The following LRRC37A2 variants were observed in gnomAD, a reference collection of about 807,000 sequenced individuals.
The protein encoded by LRRC37A2 is leucine rich repeat containing 37 member A2.
In LRRC37A2, 9 loss-of-function variants were observed where a neutral mutation model predicts 68.8. The observed-to-expected ratio is 0.13, with a 90% confidence interval of 0.08 to 0.23. The LOEUF (loss-of-function observed/expected upper bound fraction) is 0.23, where lower values mean the gene tolerates loss of function less well. LRRC37A2 is among the 10% of genes least tolerant of loss of function. The pLI, the probability that LRRC37A2 is intolerant of heterozygous loss-of-function variation, is 1.00. For synonymous variants in LRRC37A2, 63 were observed against 367.6 expected (o/e 0.17, Z 9.48); for missense variants, 168 against 950.4 (o/e 0.18, Z 10.82).
chr17:47,045,501 A>T, the LRRC37A2 span, among the ~76,000 whole-genome samples: 13 of 146,368 alleles, frequency 8.9e-5, no homozygotes, highest in African/African-American at 3.2e-4. Flanking sequence ...CCAAATTCAC[A>T]TTATTAGCAG....
the LRRC37A2 span, chr17:46,923,601 G>T: frequency 1.6e-6 from 2 of 1,288,940 alleles, no homozygotes; most frequent in Non-Finnish European, 2.0e-6. Context: ...GCCCCTGGCC[G>T]TAGGAGTGTA....
At chr17:46,770,095 G>T in the LRRC37A2 span, 12 of 1,498,920 alleles carry the variant, frequency 8.0e-6, no homozygotes, top group South Asian at 1.6e-4. Flanking sequence ...CGGCCTGGGA[G>T]CGCCTGCCCT....
chr17:46,905,361 C>A, the LRRC37A2 span, among the ~76,000 whole-genome samples: 1 of 152,194 alleles, frequency 6.6e-6, no homozygotes, highest in African/African-American at 2.4e-5. Flanking sequence ...CAGATGTGAG[C>A]CACCGTATCC....
the LRRC37A2 span, among the ~76,000 whole-genome samples, chr17:46,500,588 A>C: frequency 1.3e-5 from 2 of 150,756 alleles, no homozygotes; most frequent in African/African-American, 2.5e-5. Context: ...GATTGTGAGA[A>C]ACTGCAGATC....
At chr17:46,502,553 C>A in the LRRC37A2 span, among the ~76,000 whole-genome samples, 1 of 151,124 alleles carries the variant, frequency 6.6e-6, no homozygotes, top group Non-Finnish European at 1.5e-5. Flanking sequence ...CTGCCCACCT[C>A]AGCCTCCCAA....
the LRRC37A2 span, among the ~76,000 whole-genome samples, chr17:46,888,241 T>C: frequency 6.6e-6 from 1 of 151,896 alleles, no homozygotes; most frequent in Non-Finnish European, 1.5e-5. Flanking sequence ...GAGGTGTGGG[T>C]CAGGTGGGGA....
the LRRC37A2 span, among the ~76,000 whole-genome samples, chr17:46,800,984 G>A: frequency 6.6e-6 from 1 of 152,166 alleles, no homozygotes; most frequent in Admixed American, 6.5e-5. Context: ...CGAGAACAAC[G>A]CAGACTGTAA....
chr17:46,703,547 T>G, the LRRC37A2 span, among the ~76,000 whole-genome samples: 3 of 147,870 alleles, frequency 2.0e-5, no homozygotes, highest in Non-Finnish European at 3.0e-5. Context: ...CCGGGCGTGG[T>G]GGTGGGCACC....
the LRRC37A2 span, among the ~76,000 whole-genome samples, chr17:46,895,430 C>A: frequency 2.6e-5 from 4 of 152,220 alleles, no homozygotes; most frequent in African/African-American, 9.6e-5. Flanking sequence ...TGTGCCACAG[C>A]TCTCACCCGT....
At chr17:46,846,097 T>A in the LRRC37A2 span, among the ~76,000 whole-genome samples, 8 of 152,170 alleles carry the variant, frequency 5.3e-5, no homozygotes, top group African/African-American at 1.4e-4. Context: ...GGCCATGTTA[T>A]CTGAAATTGA....
At chr17:47,010,072 G>A in the LRRC37A2 span, among the ~76,000 whole-genome samples, 4 of 152,230 alleles carry the variant, frequency 2.6e-5, no homozygotes, top group African/African-American at 9.6e-5. Flanking sequence ...ACTCAAACTT[G>A]TTCGCAAGTA....
the LRRC37A2 span, among the ~76,000 whole-genome samples, chr17:46,839,988 T>C: frequency 7.3e-6 from 1 of 137,804 alleles, no homozygotes; most frequent in Non-Finnish European, 1.5e-5. Flanking sequence ...CTTCTTTCTT[T>C]CTTTTTTCTT....
At chr17:46,915,464 T>C in the LRRC37A2 span, among the ~76,000 whole-genome samples, 42 of 152,278 alleles carry the variant, frequency 2.8e-4, no homozygotes, top group East Asian at 7.9e-3. Context: ...GTCCAGGAAG[T>C]CATTAAGACC....
the LRRC37A2 span, among the ~76,000 whole-genome samples, chr17:46,974,987 C>CTTTTTTT: frequency 2.8e-4 from 33 of 119,058 alleles, 1 homozygote; most frequent in African/African-American, 8.3e-4. Flanking sequence ...TTACTATTTT[C>CTTTTTTT]TTTTTTTTTT....
At chr17:46,910,204 C>G in the LRRC37A2 span, 2 of 152,200 alleles carry the variant, frequency 1.3e-5, no homozygotes, top group Non-Finnish European at 2.9e-5. Context: ...TACTCAATAC[C>G]CCCATCTCCC....
chr17:46,874,878 T>C, the LRRC37A2 span: 1 of 695,528 alleles, frequency 1.4e-6, no homozygotes. Context: ...GTGCCCAGCC[T>C]GGAAGTTCCA....
the LRRC37A2 span, among the ~76,000 whole-genome samples, chr17:46,847,409 A>T: frequency 1.3e-5 from 2 of 152,204 alleles, no homozygotes; most frequent in Admixed American, 6.5e-5. Flanking sequence ...ATGCTACCTC[A>T]CAGTGCTCCA....
chr17:46,923,153 G>GGAAGCC, the LRRC37A2 span: 2 of 1,360,462 alleles, frequency 1.5e-6, no homozygotes, highest in African/African-American at 1.4e-5. Flanking sequence ...CGTGTTCCGA[G>GGAAGCC]GAAGCCAGAG....
chr17:46,944,716 C>T, the LRRC37A2 span, among the ~76,000 whole-genome samples: 1 of 151,816 alleles, frequency 6.6e-6, no homozygotes, highest in Non-Finnish European at 1.5e-5. Context: ...TCTCCTGTTT[C>T]AGCCTCCGGA....
Sources: allele counts gnomAD v4.1 joint callset (sites outside exome capture counted in the v4.1 genomes callset), GRCh38; gene constraint gnomAD v4.1.1; transcripts MANE v1.5; gene names NCBI Gene and HGNC (gene_info 2026-07-23, HGNC 2026-07-21).